The following PHF14 variants were observed in gnomAD, a reference collection of about 807,000 sequenced individuals.
PHF14 encodes the protein PHD finger protein 14.
Under a neutral mutation model 117.9 loss-of-function variants are expected in PHF14, and 55 were observed. The ratio of observed to expected loss-of-function variants is 0.47; its 90% CI spans 0.38 to 0.58. PHF14 has a LOEUF of 0.58. Ranked by LOEUF, PHF14 falls within the 20% of genes least tolerant of loss-of-function variation. The probability of loss-of-function intolerance (pLI) is 0.00; values close to 1 mark genes in which losing one functional copy is unlikely to be tolerated. For missense variants in PHF14, 978 were observed against 1,122.2 expected (o/e 0.87, Z 1.84); for synonymous variants, 409 against 368.6 (o/e 1.11, Z -1.26).
intron 16 of PHF14, chr7:11,071,252 T>C (rs767426652): frequency 1.9e-6 from 1 of 518,700 alleles, no homozygotes; most frequent in Non-Finnish European, 3.9e-6. Context: ...TCAAAGACTA[T>C]ATATTCCATG....
chr7:11,064,149 T>C (rs1785339512), intron 16 of PHF14, among the ~76,000 whole-genome samples: 1 of 151,640 alleles, frequency 6.6e-6, no homozygotes, highest in Non-Finnish European at 1.5e-5. Context: ...ATGTGATCTT[T>C]AAAAAAAATA....
chr7:11,164,489 G>T (rs181032513), intron 17 of PHF14, among the ~76,000 whole-genome samples: 3 of 152,142 alleles, frequency 2.0e-5, no homozygotes, highest in Non-Finnish European at 2.9e-5. Flanking sequence ...AATTATAGCT[G>T]TATATTTCAG....
chr7:11,064,485 A>C (rs952718413), intron 16 of PHF14, among the ~76,000 whole-genome samples: 1 of 151,934 alleles, frequency 6.6e-6, no homozygotes, highest in Non-Finnish European at 1.5e-5. Context: ...ATTAAACTTC[A>C]TGGGTCACAA....
chr7:11,048,163 A>G (rs1009205264), intron 13 of PHF14, among the ~76,000 whole-genome samples: 1 of 152,214 alleles, frequency 6.6e-6, no homozygotes. Flanking sequence ...GTAAAAATAT[A>G]TAGAATTAAG....
At chr7:11,000,259 A>G (rs535824738) in intron 4 of PHF14, among the ~76,000 whole-genome samples, 11 of 149,048 alleles carry the variant, frequency 7.4e-5, no homozygotes, top group African/African-American at 2.5e-4. Flanking sequence ...TTTCTGTTGT[A>G]TGATTGATTT....
chr7:11,052,046 T>C (rs1446745994), intron 14 of PHF14, among the ~76,000 whole-genome samples: 1 of 152,154 alleles, frequency 6.6e-6, no homozygotes, highest in African/African-American at 2.4e-5. Flanking sequence ...CCCAAAGCTT[T>C]AGAAGTTTCC....
intron 4 of PHF14, among the ~76,000 whole-genome samples, chr7:11,012,795 T>G (rs985063967): frequency 2.0e-4 from 30 of 152,318 alleles, no homozygotes; most frequent in African/African-American, 7.0e-4. Flanking sequence ...CCATTTCAGT[T>G]ATAGACAAAT....
intron 16 of PHF14, chr7:11,105,186 C>G (rs1315300452): frequency 1.0e-6 from 1 of 966,054 alleles, no homozygotes; most frequent in Non-Finnish European, 1.2e-6. Context: ...AAAATTTAGC[C>G]TTAGCTTTTA....
intron 17 of PHF14, among the ~76,000 whole-genome samples, chr7:11,151,840 A>G (rs190415785): frequency 2.9e-4 from 44 of 152,248 alleles, no homozygotes; most frequent in Non-Finnish European, 5.1e-4. Context: ...ATATGAGTGT[A>G]TTTTAAGACA....
chr7:11,105,493 C>G (rs1203996598), intron 16 of PHF14: 1 of 978,940 alleles, frequency 1.0e-6, no homozygotes, highest in Non-Finnish European at 1.2e-6. Context: ...TTCAGAAGGA[C>G]TCTCCAGCAG....
chr7:11,037,478 T>G (rs1221886904), intron 10 of PHF14, among the ~76,000 whole-genome samples: 5 of 152,234 alleles, frequency 3.3e-5, no homozygotes, highest in Non-Finnish European at 2.9e-5. Context: ...CATGTGACTC[T>G]GTTCTCTATT....
intron 16 of PHF14, among the ~76,000 whole-genome samples, chr7:11,098,077 C>T (rs1190703683): frequency 1.3e-5 from 2 of 151,770 alleles, no homozygotes; most frequent in Non-Finnish European, 2.9e-5. Context: ...CTTTTAAAAT[C>T]TTTTGTTAAT....
chr7:11,037,329 T>A (rs1251289972), intron 10 of PHF14, among the ~76,000 whole-genome samples: 1 of 152,156 alleles, frequency 6.6e-6, no homozygotes, highest in African/African-American at 2.4e-5. Flanking sequence ...CAGCTTAACT[T>A]TATAGTGTAG....
Position 11,035,926 on chromosome 7 carries a change from A to T in PHF14, c.1602+140A>T. 6.0e-6 allele frequency: 4 copies of T among 669,444 alleles called. No individual in the cohort carries two copies. In the South Asian group the frequency reaches 8.4e-5, roughly 14 times the overall value. The allele number at this position is 669,444 out of a possible 1,614,324, so 41.5% of individuals were successfully genotyped here. On this transcript the variant is annotated intron_variant, in intron 8 of 17. Transcript: ENST00000634607. ...CTAGGAAATGGATTGTGATTAAGGT[A>T]AATAGTGAGTATAATTTTTGGCTGA...
chr7:10,974,840 C>T lies in PHF14; in HGVS notation c.7C>T (p.Arg3Cys), dbSNP rs761775712. 2 of 1,553,242 alleles carry T rather than the reference C, an allele frequency of 1.3e-6. No homozygotes were observed. The highest frequency in any genetic ancestry group is 1.2e-5 in the South Asian group (1 of 85,106). MD[R>C]SSKRRQVKPL... ...TAATTTTTTTCTCTTCACAGTGGAT[C>T]GCAGCTCCAAGAGGAGGCAGGTGAA... Residue 3 changes from arginine to cysteine, a missense_variant, in exon 2 of 18, where the codon CGC becomes TGC. Around this residue, in one of 7 missense-constraint regions of PHF14, gnomAD observed 414 missense variants for 376.4 expected, o/e 1.10. Coordinates refer to ENST00000634607, the MANE Select transcript of PHF14 (RefSeq NM_001007157.2).
At chr7:11,011,597 C>A (rs1783360533) in intron 4 of PHF14, among the ~76,000 whole-genome samples, 1 of 152,124 alleles carries the variant, frequency 6.6e-6, no homozygotes, top group Non-Finnish European at 1.5e-5. Flanking sequence ...TAGAAATGAC[C>A]TATTTTGAGA....
intron 16 of PHF14, among the ~76,000 whole-genome samples, chr7:11,072,645 T>C (rs1785656906): frequency 1.3e-5 from 2 of 152,170 alleles, no homozygotes; most frequent in Non-Finnish European, 2.9e-5. Context: ...TAACAGCAAC[T>C]CTGATATAAC....
chr7:11,013,223 G>A lies in PHF14; in HGVS notation c.1046-524G>A, dbSNP rs897003712. Among the ~76,000 whole-genome samples the A allele has an allele frequency of 2.0e-5, 3 of 152,042 alleles. 1 individual carries two copies. Among genetic ancestry groups the A allele is most frequent in the Non-Finnish European group, 1.5e-5 (1 of 67,964 alleles). On this transcript the variant is annotated intron_variant, in intron 4 of 17. Coordinates refer to ENST00000634607, the MANE Select transcript of PHF14 (RefSeq NM_001007157.2). ...GGCACCCAGGCTGGAGTGCAGTGGCGCAATCTTGGCTCACTGCAACCTTTG... is the reference window on the plus strand; with the variant it reads ...GGCACCCAGGCTGGAGTGCAGTGGCACAATCTTGGCTCACTGCAACCTTTG...
At chr7:11,151,152 A>G (rs759601185) in intron 17 of PHF14, among the ~76,000 whole-genome samples, 1 of 152,212 alleles carries the variant, frequency 6.6e-6, no homozygotes, top group African/African-American at 2.4e-5. Flanking sequence ...ATTATGAGAA[A>G]TAGCACTTTG....
Sources: gnomAD v4.1 joint callset for allele counts (sites outside exome capture counted in the v4.1 genomes callset) on GRCh38, gnomAD v4.1.1 for gene constraint, gnomAD v4.1.1 regional missense constraint, MANE v1.5 for transcripts, NCBI Gene and HGNC (gene_info 2026-07-23, HGNC 2026-07-21) for gene names.